The following CYP19A1 variants were observed in gnomAD, a reference collection of about 807,000 sequenced individuals.
CYP19A1 encodes cytochrome P450 family 19 subfamily A member 1, also known as aromatase.
A neutral mutation model predicts 44.4 loss-of-function variants in CYP19A1; 32 were observed. The ratio of observed to expected loss-of-function variants is 0.72; its 90% CI spans 0.54 to 0.97. The LOEUF (loss-of-function observed/expected upper bound fraction) is 0.97. Among genes scored for constraint, CYP19A1 ranks in the 50% least tolerant of loss-of-function variants. The probability of loss-of-function intolerance (pLI) is 0.00; values close to 1 mark genes in which losing one functional copy is unlikely to be tolerated. For missense variants in CYP19A1, 598 were observed against 637.8 expected (o/e 0.94, Z 0.67); for synonymous variants, 212 against 215.6 (o/e 0.98, Z 0.14).
intron 1 of CYP19A1, among the ~76,000 whole-genome samples, chr15:51,336,303 T>C (rs1484965025): frequency 1.3e-5 from 2 of 152,290 alleles, no homozygotes; most frequent in East Asian, 3.9e-4. Context: ...TCCTGGCAGA[T>C]AGTAGGCACC....
intron 1 of CYP19A1, among the ~76,000 whole-genome samples, chr15:51,257,164 T>A (rs953040751): frequency 6.6e-6 from 1 of 152,238 alleles, no homozygotes; most frequent in African/African-American, 2.4e-5. Context: ...CAGCTACCTT[T>A]TATTGAGTGC....
At chr15:51,286,415 CTTGT>C (rs1312718293) in intron 1 of CYP19A1, among the ~76,000 whole-genome samples, 1 of 152,208 alleles carries the variant, frequency 6.6e-6, no homozygotes, top group Non-Finnish European at 1.5e-5. Flanking sequence ...TCTTCAGGCA[CTTGT>C]TTGTCTGTTT....
intron 1 of CYP19A1, among the ~76,000 whole-genome samples, chr15:51,294,812 T>G (rs1722556317): frequency 6.6e-6 from 1 of 151,972 alleles, no homozygotes; most frequent in African/African-American, 2.4e-5. Context: ...CCACCCCGTC[T>G]GGGAGGTGTA....
chr15:51,251,521 G>T (rs1290011846), intron 1 of CYP19A1, among the ~76,000 whole-genome samples: 1 of 152,208 alleles, frequency 6.6e-6, no homozygotes, highest in African/African-American at 2.4e-5. Flanking sequence ...TTTCTATCTA[G>T]CTCCCGGGGG....
intron 1 of CYP19A1, among the ~76,000 whole-genome samples, chr15:51,273,178 G>A (rs1006483914): frequency 6.6e-6 from 1 of 151,962 alleles, no homozygotes; most frequent in African/African-American, 2.4e-5. Context: ...CTCGAACTCT[G>A]GACCTCCTGA....
At chr15:51,231,919 A>G (rs1372863475) in intron 3 of CYP19A1, among the ~76,000 whole-genome samples, 1 of 151,994 alleles carries the variant, frequency 6.6e-6, no homozygotes, top group Admixed American at 6.6e-5. Context: ...TGGAAATTCC[A>G]TGTCCCTATT....
Position 51,257,131 on chromosome 15 carries a change from G to A in CYP19A1, c.-38-14181C>T, listed in dbSNP as rs137933290. Among the ~76,000 whole-genome samples the A allele has an allele frequency of 4.1e-3, 632 of 152,306 alleles. 3 individuals are homozygous for A. The highest frequency in any genetic ancestry group is 8.1e-3 in the Non-Finnish European group (548 of 68,016). On this transcript the variant is annotated intron_variant, in intron 1 of 9. Transcript: ENST00000396402. Reference sequence around the variant, plus strand: ...TGCCTGCAGCATCAATACTGCCCTCGTTGCTGCTGGTAAGAATGAGCACAG... The same window carrying A: ...TGCCTGCAGCATCAATACTGCCCTCATTGCTGCTGGTAAGAATGAGCACAG...
At chr15:51,223,080 A>G (rs1197942051) in intron 4 of CYP19A1, among the ~76,000 whole-genome samples, 1 of 152,138 alleles carries the variant, frequency 6.6e-6, no homozygotes, top group African/African-American at 2.4e-5. Context: ...TTTCTCTTCA[A>G]ACTACTTCCA....
At chr15:51,239,690 G>C (rs1480295783) in intron 2 of CYP19A1, among the ~76,000 whole-genome samples, 1 of 152,028 alleles carries the variant, frequency 6.6e-6, no homozygotes, top group African/African-American at 2.4e-5. Flanking sequence ...GTTTTGCTCT[G>C]GAGTGAGAGA....
At chr15:51,269,476 C>T (rs1398378594) in intron 1 of CYP19A1, among the ~76,000 whole-genome samples, 1 of 151,952 alleles carries the variant, frequency 6.6e-6, no homozygotes, top group Non-Finnish European at 1.5e-5. Context: ...GATGAGCTCT[C>T]CAACTTGGTT....
intron 1 of CYP19A1, among the ~76,000 whole-genome samples, chr15:51,333,893 C>G (rs996302888): frequency 6.6e-6 from 1 of 152,220 alleles, no homozygotes; most frequent in African/African-American, 2.4e-5. Flanking sequence ...AATGAAAGGT[C>G]TTAGGCTATC....
At chr15:51,303,329 T>A (rs2036152755) in intron 1 of CYP19A1, among the ~76,000 whole-genome samples, 1 of 152,092 alleles carries the variant, frequency 6.6e-6, no homozygotes, top group African/African-American at 2.4e-5. Flanking sequence ...ACCCTTCCAA[T>A]CATAGCCCCT....
intron 1 of CYP19A1, among the ~76,000 whole-genome samples, chr15:51,336,923 T>TA (rs1566929988): frequency 4.2e-4 from 64 of 151,880 alleles, no homozygotes; most frequent in Non-Finnish European, 7.1e-4. Flanking sequence ...TTTTTTTTTT[T>TA]AATAATAAGT....
Position 51,305,087 on chromosome 15 carries a change from A to G in CYP19A1, c.-39+33408T>C, listed in dbSNP as rs541779633. ...GCTAATTTTTGTATTTTTAGTAGAG[A>G]CAGGGTTTCACCATATTGGCCAGGC... On this transcript the variant is annotated intron_variant, in intron 1 of 9. Transcript: ENST00000396402. Among the ~76,000 whole-genome samples, 445 of 151,814 alleles carry G rather than the reference A, an allele frequency of 2.9e-3. 4 individuals carry two copies. The highest frequency in any genetic ancestry group is 0.01 in the African/African-American group (429 of 41,416).
chr15:51,265,747 C>G (rs1049476397), intron 1 of CYP19A1, among the ~76,000 whole-genome samples: 3 of 152,196 alleles, frequency 2.0e-5, no homozygotes, highest in African/African-American at 7.2e-5. Context: ...ATCACATTAC[C>G]TTGTGGCAAC....
chr15:51,320,643 C>T (rs1322205512), intron 1 of CYP19A1, among the ~76,000 whole-genome samples: 1 of 152,100 alleles, frequency 6.6e-6, no homozygotes, highest in Non-Finnish European at 1.5e-5. Flanking sequence ...TTTTCCTTAA[C>T]CCCACTTCTC....
intron 1 of CYP19A1, among the ~76,000 whole-genome samples, chr15:51,288,721 G>A (rs949857885): frequency 1.3e-5 from 2 of 152,160 alleles, no homozygotes; most frequent in Non-Finnish European, 2.9e-5. Flanking sequence ...ACTGTTCTCA[G>A]GCATGACAGC....
Position 51,212,231 on chromosome 15 carries a change from AT to A in CYP19A1, c.1263+88del, listed in dbSNP as rs1407191567. Reference sequence around the variant, plus strand: ...AGGGAATGAGTAAGAAAAATGAAGTATTTATGGTGCAAACACAAAGAACCAG... The same window carrying A: ...AGGGAATGAGTAAGAAAAATGAAGTATTATGGTGCAAACACAAAGAACCAG... On this transcript the variant is annotated intron_variant, in intron 9 of 9. Transcript: ENST00000396402. 2.5e-5 allele frequency: 23 copies of A among 938,688 alleles called. No individual in the cohort carries two copies. In the Admixed American group the frequency reaches 3.2e-4, roughly 13 times the overall value. 58.1% of individuals were successfully genotyped at this position (938,688 alleles called of 1,614,324 possible). A position where few individuals can be genotyped will look rare whatever the true frequency, so the allele number is the denominator to read the frequency against.
chr15:51,328,176 T>C (rs571841730), intron 1 of CYP19A1, among the ~76,000 whole-genome samples: 1 of 152,370 alleles, frequency 6.6e-6, no homozygotes, highest in South Asian at 2.1e-4. Context: ...TGAACAAATA[T>C]GTACCATCTT....
Sources: allele counts gnomAD v4.1 joint callset (sites outside exome capture counted in the v4.1 genomes callset), GRCh38; gene constraint gnomAD v4.1.1; transcripts MANE v1.5; gene names NCBI Gene and HGNC (gene_info 2026-07-23, HGNC 2026-07-21).